DPP10: variants seen among roughly 807,000 people sequenced by gnomAD.
DPP10 encodes inactive dipeptidyl peptidase 10.
Under a neutral mutation model 120.9 loss-of-function variants are expected in DPP10, and 33 were observed. The ratio of observed to expected loss-of-function variants is 0.27; its 90% CI spans 0.21 to 0.37. The LOEUF (loss-of-function observed/expected upper bound fraction) is 0.37, where lower values mean the gene tolerates loss of function less well. Among genes scored for constraint, DPP10 ranks in the 10% least tolerant of loss-of-function variants. DPP10 has a pLI of 1.00. For synonymous variants in DPP10, 337 were observed against 326.1 expected (o/e 1.03, Z -0.36); for missense variants, 816 against 942.8 (o/e 0.87, Z 1.76).
At chr2:115,343,229 A>G (rs556002751) in intron 2 of DPP10, among the ~76,000 whole-genome samples, 172 of 152,300 alleles carry the variant, frequency 1.1e-3, no homozygotes, top group African/African-American at 3.9e-3. Context: ...CTAGTATGAA[A>G]TGTGTGTATT....
At chr2:114,925,082 G>T (rs1695511476) in intron 1 of DPP10, among the ~76,000 whole-genome samples, 1 of 151,680 alleles carries the variant, frequency 6.6e-6, no homozygotes, top group Non-Finnish European at 1.5e-5. Flanking sequence ...ATAGTGGCGG[G>T]TGCCTGTAGT....
chr2:114,584,835 A>G (rs1157673252), intron 1 of DPP10, among the ~76,000 whole-genome samples: 1 of 152,064 alleles, frequency 6.6e-6, no homozygotes. Context: ...AGGAAACCAG[A>G]AATAGTCTAG....
chr2:115,768,871 ATTTT>A (rs1282525435), intron 13 of DPP10, among the ~76,000 whole-genome samples: 1 of 152,036 alleles, frequency 6.6e-6, no homozygotes, highest in Non-Finnish European at 1.5e-5. Context: ...TACAGTGCAG[ATTTT>A]TAAAAAACAG....
At chr2:115,102,766 GA>G (rs113005001) in intron 1 of DPP10, among the ~76,000 whole-genome samples, 2 of 149,090 alleles carry the variant, frequency 1.3e-5, no homozygotes, top group African/African-American at 2.5e-5. Flanking sequence ...GAGTCATAAA[GA>G]AAAAAAAAAC....
chr2:114,739,349 A>G (rs1677791514), intron 1 of DPP10, among the ~76,000 whole-genome samples: 1 of 152,140 alleles, frequency 6.6e-6, no homozygotes, highest in African/African-American at 2.4e-5. Context: ...ACTGAAAGCT[A>G]AGGTCAATTT....
intron 3 of DPP10, among the ~76,000 whole-genome samples, chr2:115,451,381 T>C (rs990814697): frequency 6.6e-6 from 1 of 151,880 alleles, no homozygotes; most frequent in Admixed American, 6.6e-5. Context: ...AAAATTTCAG[T>C]GAATGTTATT....
intron 21 of DPP10, among the ~76,000 whole-genome samples, chr2:115,823,652 C>G (rs895533937): frequency 6.6e-6 from 1 of 152,034 alleles, no homozygotes; most frequent in African/African-American, 2.4e-5. Context: ...GGGGTTGTGC[C>G]TTTTTCTAAA....
intron 1 of DPP10, chr2:115,161,001 G>C (rs967391271): frequency 6.6e-6 from 1 of 152,366 alleles, no homozygotes; most frequent in African/African-American, 2.4e-5. Flanking sequence ...GAGGACTTAA[G>C]ATTTGAAGGT....
intron 3 of DPP10, among the ~76,000 whole-genome samples, chr2:115,497,672 T>G (rs78139937): frequency 6.7e-6 from 1 of 149,320 alleles, no homozygotes; most frequent in Admixed American, 6.8e-5. Flanking sequence ...TTTTAAAAAA[T>G]TCATAGAGGG....
chr2:115,648,456 T>C (rs987570485), intron 5 of DPP10, among the ~76,000 whole-genome samples: 1 of 151,976 alleles, frequency 6.6e-6, no homozygotes, highest in Non-Finnish European at 1.5e-5. Context: ...ATATAATGCA[T>C]ATATTAATTG....
chr2:115,661,022 C>G (rs1364326067), intron 5 of DPP10, among the ~76,000 whole-genome samples: 1 of 152,068 alleles, frequency 6.6e-6, no homozygotes, highest in Non-Finnish European at 1.5e-5. Context: ...GTGATCTCGG[C>G]TCACTGCAAA....
chr2:115,625,566 T>G (rs908007942), intron 5 of DPP10, among the ~76,000 whole-genome samples: 1 of 152,098 alleles, frequency 6.6e-6, no homozygotes, highest in African/African-American at 2.4e-5. Context: ...ATAAAAGGAT[T>G]AAGACATTAA....
chr2:114,886,873 G>A (rs1429439737), intron 1 of DPP10, among the ~76,000 whole-genome samples: 2 of 152,066 alleles, frequency 1.3e-5, no homozygotes, highest in Non-Finnish European at 2.9e-5. Flanking sequence ...GTCAATAAAC[G>A]CTTTCTCAAT....
intron 1 of DPP10, among the ~76,000 whole-genome samples, chr2:114,812,234 T>C (rs764075057): frequency 6.6e-6 from 1 of 152,152 alleles, no homozygotes; most frequent in Non-Finnish European, 1.5e-5. Context: ...AGTTAGAAAG[T>C]CTTAAGACCT....
At chr2:115,296,671 C>G in intron 1 of DPP10, among the ~76,000 whole-genome samples, 1 of 152,074 alleles carries the variant, frequency 6.6e-6, no homozygotes, top group East Asian at 1.9e-4. Flanking sequence ...CATTTAGCAT[C>G]TTGCACCACA....
chr2:114,455,186 G>GTGTGTGTGTGTGTGTGTA (rs1376102778), intron 1 of DPP10, among the ~76,000 whole-genome samples: 3 of 151,558 alleles, frequency 2.0e-5, no homozygotes, highest in African/African-American at 7.3e-5. Flanking sequence ...GTGTGTGTGT[G>GTGTGTGTGTGTGTGTGTA]TTTGGGGGTG....
intron 1 of DPP10, among the ~76,000 whole-genome samples, chr2:115,293,025 G>T (rs1413721151): frequency 6.6e-6 from 1 of 152,046 alleles, no homozygotes; most frequent in African/African-American, 2.4e-5. Context: ...CAGGTTTGGG[G>T]CACAGAAACT....
At chr2:114,528,375 C>G (rs1433390425) in intron 1 of DPP10, among the ~76,000 whole-genome samples, 1 of 152,132 alleles carries the variant, frequency 6.6e-6, no homozygotes, top group Non-Finnish European at 1.5e-5. Flanking sequence ...CTTTCAATCA[C>G]TTTGTGAGAG....
intron 1 of DPP10, among the ~76,000 whole-genome samples, chr2:114,683,476 A>G (rs1212995001): frequency 2.4e-5 from 3 of 127,490 alleles, no homozygotes; most frequent in South Asian, 2.6e-4. Context: ...CTTCCTTCCA[A>G]CCTCCTTTCC....
Sources: gnomAD v4.1 joint callset for allele counts (sites outside exome capture counted in the v4.1 genomes callset) on GRCh38, gnomAD v4.1.1 for gene constraint, MANE v1.5 for transcripts, NCBI Gene and HGNC (gene_info 2026-07-23, HGNC 2026-07-21) for gene names.